The following ABCC2 variants were observed in gnomAD, a reference collection of about 807,000 sequenced individuals.
ABCC2 encodes ATP binding cassette subfamily C member 2.
ABCC2 carries 157 observed loss-of-function variants against 173.4 expected under a neutral mutation model. The observed-to-expected ratio is 0.91, with a 90% confidence interval of 0.80 to 1.03. The LOEUF is 1.03. ABCC2 is among the 50% of genes least tolerant of loss of function. The probability of loss-of-function intolerance (pLI) is 0.00; values close to 1 mark genes in which losing one functional copy is unlikely to be tolerated. For synonymous variants in ABCC2, 657 were observed against 693.5 expected (o/e 0.95, Z 0.83); for missense variants, 1,822 against 1,852.3 (o/e 0.98, Z 0.30).
At chr10:99,794,189 T>C (rs1262031109) in intron 5 of ABCC2, among the ~76,000 whole-genome samples, 190 bp downstream of exon 5, 1 of 152,198 alleles carries the variant, frequency 6.6e-6, no homozygotes, top group African/African-American at 2.4e-5. Context: ...CTACCAATTG[T>C]CAGTGTAATT....
rs1392251452 is a variant in ABCC2 at position 99,847,066 on chromosome 10, T to C, written c.4252T>C (p.Phe1418Leu). ...CTTGGAGCTGGCTCACCTCAAGTCTTTTGTGGCCAGCCTGCAACTTGGGTT... is the reference window on the plus strand; with the variant it reads ...CTTGGAGCTGGCTCACCTCAAGTCTCTTGTGGCCAGCCTGCAACTTGGGTT... ...KALELAHLKS[F>L]VASLQLGLSH... The change falls in exon 30 of 32, where the codon TTT becomes CTT. Residue 1418 changes from phenylalanine (F) to leucine (L), a missense_variant. Phe to Leu is a conservative substitution (Grantham distance 22, BLOSUM62 0). Coordinates refer to ENST00000647814, the MANE Select transcript of ABCC2 (RefSeq NM_000392.5). 3 of 1,614,184 alleles carry C rather than the reference T, an allele frequency of 1.9e-6. No individual in the cohort carries two copies. The Admixed American group carries it at 5.0e-5, about 27-fold the overall frequency.
chr10:99,851,573 C>G lies in ABCC2; in HGVS notation c.4580C>G (p.Pro1527Arg). ...GAAGAACTGCTACAAATCCCTGGAC[C>G]CTTTTACTTTATGGCTAAGGAAGCT... ...SPEELLQIPG[P>R]FYFMAKEAGI... The change falls in exon 32 of 32, where the codon CCC becomes CGC. Residue 1527 changes from proline to arginine, a missense_variant. By Grantham distance (103) the Pro-to-Arg change is moderately radical. Transcript: ENST00000647814. 1 of 1,614,104 alleles carries G rather than the reference C, an allele frequency of 6.2e-7. No individual in the cohort carries two copies. Among genetic ancestry groups the G allele is most frequent in the Non-Finnish European group, 8.5e-7 (1 of 1,180,004 alleles).
At chr10:99,807,638 AG>A in intron 12 of ABCC2, 117 bp downstream of exon 12, 1 of 1,455,520 alleles carries the variant, frequency 6.9e-7, no homozygotes, top group Non-Finnish European at 9.6e-7. Flanking sequence ...CGCAAGATCC[AG>A]GGGACTTGTC....
intron 16 of ABCC2, among the ~76,000 whole-genome samples, chr10:99,813,426 G>A (rs543537773): frequency 7.0e-4 from 106 of 152,240 alleles, no homozygotes; most frequent in African/African-American, 2.5e-3. Flanking sequence ...CAAAATATAG[G>A]CATTTCTGGC....
chr10:99,845,527 C>A, intron 28 of ABCC2, 97 bp from the exon 29 acceptor site: 1 of 1,496,070 alleles, frequency 6.7e-7, no homozygotes. Flanking sequence ...TAGCCAGTCA[C>A]TGCCTCTTAC....
At chr10:99,832,275 C>A in intron 23 of ABCC2, 144 bp downstream of exon 23, 2 of 1,031,388 alleles carry the variant, frequency 1.9e-6, no homozygotes, top group Non-Finnish European at 2.9e-6. Context: ...TGAGTACCTG[C>A]TGTGAGCTCC....
intron 19 of ABCC2, among the ~76,000 whole-genome samples, chr10:99,825,008 T>C (rs118071246): frequency 0.49 from 38,403 of 79,120 alleles, 9,799 homozygotes; most frequent in East Asian, 0.66. Flanking sequence ...CTACAGTGGC[T>C]GCCCCTAACA....
At chr10:99,799,068 C>T (rs1448194903) in intron 7 of ABCC2, 139 bp from the exon 8 acceptor site, 5 of 866,888 alleles carry the variant, frequency 5.8e-6, no homozygotes, top group Non-Finnish European at 9.3e-6. Flanking sequence ...GCTAGAAGGG[C>T]AGAAGCAACT....
At chr10:99,784,883 C>G (rs1052105959) in intron 2 of ABCC2, 102 bp downstream of exon 2, 35 of 1,438,360 alleles carry the variant, frequency 2.4e-5, no homozygotes, top group Non-Finnish European at 3.2e-5. Flanking sequence ...AGCAGCTGTC[C>G]CAGGTGCCAT....
intron 19 of ABCC2, among the ~76,000 whole-genome samples, chr10:99,829,965 A>G (rs528398206): frequency 1.3e-4 from 20 of 152,288 alleles, no homozygotes; most frequent in Non-Finnish European, 2.6e-4. Context: ...TCTTTAGTCA[A>G]TTCTGAGAAT....
At position 99,795,550 on chromosome 10, in the gene ABCC2, T is replaced by C. The variant is rs141366530; in HGVS notation, c.632+1082T>C. ...CCTGTCTCCACTAAAAATACAAAAA[T>C]TAGCCTGGCATGGTGGCATGTGCCT... On this transcript the variant is annotated intron_variant, in intron 6 of 31. Coordinates refer to ENST00000647814, the MANE Select transcript of ABCC2 (RefSeq NM_000392.5). Among the ~76,000 whole-genome samples, 18 of 152,078 alleles carry C rather than the reference T, an allele frequency of 1.2e-4. No individual in the cohort carries two copies. The East Asian group carries it at 3.5e-3, about 30-fold the overall frequency.
At chr10:99,792,800 G>A (rs1186143343) in intron 3 of ABCC2, among the ~76,000 whole-genome samples, 1 of 152,018 alleles carries the variant, frequency 6.6e-6, no homozygotes. Flanking sequence ...TCAGGGGGTG[G>A]GGCCTAGACA....
intron 17 of ABCC2, among the ~76,000 whole-genome samples, chr10:99,818,227 A>C (rs893347134): frequency 1.3e-5 from 2 of 151,858 alleles, no homozygotes; most frequent in Non-Finnish European, 2.9e-5. Flanking sequence ...CATCTCAAAA[A>C]AAAAAAGATT....
chr10:99,782,985 A>C, intron 1 of ABCC2, 108 bp downstream of exon 1: 3 of 1,069,994 alleles, frequency 2.8e-6, no homozygotes, highest in Non-Finnish European at 4.2e-6. Context: ...TTAGATGTGC[A>C]ATTGGTCTAA....
chr10:99,797,389 C>A, intron 7 of ABCC2, 58 bp downstream of exon 7: 1 of 1,462,124 alleles, frequency 6.8e-7, no homozygotes, highest in Non-Finnish European at 9.4e-7. Flanking sequence ...AAGGGTACAT[C>A]AGCATCATGG....
chr10:99,824,515 G>A (rs2038594097), intron 19 of ABCC2, among the ~76,000 whole-genome samples: 1 of 152,070 alleles, frequency 6.6e-6, no homozygotes, highest in African/African-American at 2.4e-5. Flanking sequence ...ACTGGTTGAA[G>A]AGCTCGACCT....
chr10:99,796,535 G>A (rs914358704), intron 6 of ABCC2, among the ~76,000 whole-genome samples: 6 of 151,782 alleles, frequency 4.0e-5, no homozygotes, highest in Admixed American at 2.0e-4. Flanking sequence ...AGAAGAACAA[G>A]AAGCCGTGTG....
chr10:99,823,184 A>G (rs1482651657), intron 19 of ABCC2, among the ~76,000 whole-genome samples: 1 of 152,152 alleles, frequency 6.6e-6, no homozygotes, highest in Admixed American at 6.6e-5. Flanking sequence ...ACTGGGTGCA[A>G]TGTTGTACGA....
At chr10:99,826,318 G>C (rs1445725429) in intron 19 of ABCC2, among the ~76,000 whole-genome samples, 1 of 152,012 alleles carries the variant, frequency 6.6e-6, no homozygotes, top group Non-Finnish European at 1.5e-5. Flanking sequence ...GATCCTGCGG[G>C]AACCTTTCCT....
Sources: gnomAD v4.1 joint callset for allele counts (sites outside exome capture counted in the v4.1 genomes callset) on GRCh38, gnomAD v4.1.1 for gene constraint, MANE v1.5 for transcripts, NCBI Gene and HGNC (gene_info 2026-07-23, HGNC 2026-07-21) for gene names.